Variants in NT5DC4 observed in about 807,000 individuals in gnomAD.
NT5DC4 encodes the protein 5'-nucleotidase domain-containing protein 4.
A neutral mutation model predicts 26.6 loss-of-function variants in NT5DC4; 44 were observed. The ratio of observed to expected loss-of-function variants is 1.65; its 90% CI spans 1.30 to 2.13. The LOEUF is 2.13. NT5DC4 is among the 30% of genes most tolerant of loss of function. NT5DC4 has a pLI of 0.00. For missense variants in NT5DC4, 399 were observed against 228.1 expected (o/e 1.75, Z -4.83); for synonymous variants, 157 against 86.7 (o/e 1.81, Z -4.51).
chr2:112,719,926 C>CTTTCTTTCTTTCTT (rs1558714765), upstream of NT5DC4, among the ~76,000 whole-genome samples: 1 of 16,862 alleles, frequency 5.9e-5, no homozygotes, highest in African/African-American at 1.7e-4. Context: ...CTTTCTTTCT[C>CTTTCTTTCTTTCTT]TTTCTTTCTT....
At chr2:112,734,422 T>C (rs12469677) in intron 16 of NT5DC4, among the ~76,000 whole-genome samples, 6 of 152,304 alleles carry the variant, frequency 3.9e-5, no homozygotes, top group East Asian at 1.9e-4. Context: ...GCAGGTTTTG[T>C]CCATGAGGTT....
In NT5DC4 at chr2:112,726,678, G is replaced by A; in HGVS notation, c.1206G>A (p.Gln402=). 1.4e-6 allele frequency: 1 copy of A among 717,510 alleles called. No homozygotes were observed. The allele number at this position is 717,510 out of a possible 1,614,324, so 44.4% of individuals were successfully genotyped here. The change falls in exon 15 of 17, where the codon CAG becomes CAA. Residue 402 remains glutamine (Q), a splice_region_variant and synonymous_variant. Coordinates refer to ENST00000688554, the MANE Select transcript of NT5DC4 (RefSeq NM_001393655.1). ...GGTCACCTAGCTATTTTTGTACCAGGCACATGGATGGGAGCAGTTGTGAGC... is the reference window on the plus strand; with the variant it reads ...GGTCACCTAGCTATTTTTGTACCAGACACATGGATGGGAGCAGTTGTGAGC... The part of the protein sequence containing the change: ...RLDTHLADIY[Q]HMDGSSCELQ...
At chr2:112,734,429 G>A (rs946710405) in intron 16 of NT5DC4, among the ~76,000 whole-genome samples, 7 of 152,070 alleles carry the variant, frequency 4.6e-5, no homozygotes, top group South Asian at 2.1e-4. Flanking sequence ...TTGTCCATGA[G>A]GTTATAAGAT....
downstream of NT5DC4, chr2:112,740,941 A>G: frequency 6.2e-7 from 1 of 1,613,976 alleles, no homozygotes. Context: ...CACAGATTCC[A>G]TCTTCTTGGC....
downstream of NT5DC4, chr2:112,741,104 C>T: frequency 1.2e-6 from 1 of 807,162 alleles, no homozygotes; most frequent in Non-Finnish European, 2.0e-6. Context: ...CAATGATTTC[C>T]CAGTGATCTT....
At chr2:112,721,655 TC>T in intron 1 of NT5DC4, 162 bp from the exon 2 acceptor site, 1 of 716,344 alleles carries the variant, frequency 1.4e-6, no homozygotes, top group African/African-American at 1.7e-5. Context: ...CACACATGGG[TC>T]CAGGCAGGGC....
intron 16 of NT5DC4, among the ~76,000 whole-genome samples, chr2:112,735,670 A>G (rs1198911228): frequency 6.6e-6 from 1 of 151,938 alleles, no homozygotes; most frequent in East Asian, 1.9e-4. Context: ...CCTGCTCCCT[A>G]TGTCTAGGAG....
chr2:112,738,790 T>C, intron 16 of NT5DC4, 123 bp from the exon 17 acceptor site: 1 of 1,431,990 alleles, frequency 7.0e-7, no homozygotes. Flanking sequence ...ATGTTGGTTC[T>C]GAAACACCTT....
At chr2:112,734,355 G>C (rs1213796166) in intron 16 of NT5DC4, among the ~76,000 whole-genome samples, 1 of 152,152 alleles carries the variant, frequency 6.6e-6, no homozygotes, top group East Asian at 1.9e-4. Context: ...CAATGTCATT[G>C]GACATAGCTT....
chr2:112,725,047 T>C (rs1484478050), intron 11 of NT5DC4, 127 bp from the exon 12 acceptor site: 3 of 650,438 alleles, frequency 4.6e-6, no homozygotes, highest in African/African-American at 1.8e-5. Flanking sequence ...TTCAGCGCCC[T>C]CTGCTGCCTC....
chr2:112,726,383 A>G lies in NT5DC4; in HGVS notation c.1205+94A>G. On this transcript the variant is annotated intron_variant, in intron 14 of 16. Transcript: ENST00000688554. ...CCTGCCTGGCGGCGAGGTCCCGGCC[A>G]AGGTTGTCAGAACATCAAGATCTGT... The G allele has an allele frequency of 4.3e-6, 3 of 705,622 alleles. No individual in the cohort carries two copies. The South Asian group carries it at 4.6e-5, about 11-fold the overall frequency. The allele number at this position is 705,622 out of a possible 1,614,324, so 43.7% of individuals were successfully genotyped here.
intron 1 of NT5DC4, chr2:112,721,441 A>G: frequency 1.4e-6 from 1 of 717,254 alleles, no homozygotes; most frequent in Non-Finnish European, 2.6e-6. Context: ...CAAACACATC[A>G]TCTCTGAATT....
chr2:112,718,944 C>G (rs985141887), upstream of NT5DC4, among the ~76,000 whole-genome samples: 2 of 152,216 alleles, frequency 1.3e-5, no homozygotes, highest in Admixed American at 1.3e-4. Context: ...ATCCATCCTC[C>G]ATTCCTCCAT....
At chr2:112,742,451 G>C (rs1680040531), downstream of NT5DC4, 1 of 717,690 alleles carries the variant, frequency 1.4e-6, no homozygotes, top group African/African-American at 1.7e-5. Flanking sequence ...TGCCATCTAG[G>C]ATTCCAAGGA....
chr2:112,723,950 T>C (rs1043217092), intron 9 of NT5DC4, 144 bp from the exon 10 acceptor site: 11 of 694,398 alleles, frequency 1.6e-5, no homozygotes, highest in Admixed American at 1.0e-4. Flanking sequence ...CTCCATTTCT[T>C]GGCCTTTCAA....
chr2:112,719,941 TCTTTCTTTC>T (rs1171971164), upstream of NT5DC4, among the ~76,000 whole-genome samples: 21 of 92,202 alleles, frequency 2.3e-4, no homozygotes, highest in Admixed American at 7.1e-4. Context: ...TTTCTTTCTT[TCTTTCTTTC>T]TTTCTTTCTT....
intron 16 of NT5DC4, chr2:112,738,336 C>A: frequency 6.5e-6 from 1 of 154,922 alleles, no homozygotes; most frequent in Non-Finnish European, 1.4e-5. Flanking sequence ...TGAGCAAAGG[C>A]ACAGCTAGCA....
chr2:112,720,503 C>T (rs1294542122), upstream of NT5DC4, among the ~76,000 whole-genome samples: 1 of 152,282 alleles, frequency 6.6e-6, no homozygotes, highest in East Asian at 1.9e-4. Context: ...GAACTCTACA[C>T]TAAATGGCCC....
At chr2:112,734,169 A>ATGTGTGTGTGTGTGTGTGTGTGTG (rs59851361) in intron 16 of NT5DC4, among the ~76,000 whole-genome samples, 6 of 134,866 alleles carry the variant, frequency 4.4e-5, no homozygotes, top group African/African-American at 1.7e-4. Context: ...TATTATATAT[A>ATGTGTGTGTGTGTGTGTGTGTGTG]TGTGTGTGTG....
Sources: allele counts gnomAD v4.1 joint callset (sites outside exome capture counted in the v4.1 genomes callset), GRCh38; gene constraint gnomAD v4.1.1; transcripts MANE v1.5; gene names NCBI Gene and HGNC (gene_info 2026-07-23, HGNC 2026-07-21).